Variants in COL18A1 observed in about 807,000 individuals in gnomAD.
The protein encoded by COL18A1 is collagen alpha-1(XVIII) chain.
Under a neutral mutation model 168.0 loss-of-function variants are expected in COL18A1, and 133 were observed. The ratio of observed to expected loss-of-function variants is 0.79; its 90% confidence interval spans 0.69 to 0.91. The LOEUF (loss-of-function observed/expected upper bound fraction) is 0.91, where lower values mean the gene tolerates loss of function less well. Among genes scored for constraint, COL18A1 ranks in the 40% least tolerant of loss-of-function variants. The pLI is 0.00. For missense variants in COL18A1, 2,126 were observed against 1,925.4 expected, an observed-to-expected ratio of 1.10 and a Z score of -1.95; for synonymous variants, 949 against 809.0, an observed-to-expected ratio of 1.17 and a Z score of -2.94.
intron 18 of COL18A1, among the ~76,000 whole-genome samples, chr21:45,489,047 G>A (rs1296767997): frequency 6.6e-6 from 1 of 152,236 alleles, no homozygotes; most frequent in Non-Finnish European, 1.5e-5. Flanking sequence ...CGGGGCCAAG[G>A]GCGCACGGGG....
At chr21:45,510,946 CCCA>C (rs2037545209) in intron 40 of COL18A1, among the ~76,000 whole-genome samples, 162 bp from the exon 41 acceptor site, 1 of 57,380 alleles carries the variant, frequency 1.7e-5, no homozygotes, top group Non-Finnish European at 3.1e-5. Flanking sequence ...AAAACACACA[CCCA>C]CAACACCCCA....
rs2035733688 is a variant in COL18A1, at chr21:45,477,838, C to T, written c.1094C>T (p.Pro365Leu). Reference sequence around the variant, plus strand: ...CCAGGATCCCCATGCCTACCTGGTCCCCCGGGTCTCCCGTGCCCAGTGAGT... The same window carrying T: ...CCAGGATCCCCATGCCTACCTGGTCTCCCGGGTCTCCCGTGCCCAGTGAGT... ...GPPGSPCLPG[P>L]PGLPCPVSPL... The change falls in exon 8 of 42, where the codon CCC (proline) becomes CTC (leucine). Residue 365 changes from proline to leucine, a missense_variant. Transcript: ENST00000651438. 2 of 1,552,814 alleles carry T rather than the reference C, an allele frequency of 1.3e-6. No homozygotes were observed. Among genetic ancestry groups the T allele is most frequent in the African/African-American group, 1.4e-5 (1 of 73,194 alleles).
At chr21:45,455,545 CT>C in intron 2 of COL18A1, 1 of 1,613,426 alleles carries the variant, frequency 6.2e-7, no homozygotes, top group East Asian at 2.2e-5. Flanking sequence ...CTCCCTACCC[CT>C]GTGGCTGCCA....
intron 2 of COL18A1, among the ~76,000 whole-genome samples, chr21:45,414,544 G>A (rs562344071): frequency 2.6e-5 from 4 of 152,296 alleles, no homozygotes; most frequent in South Asian, 2.1e-4. Flanking sequence ...AGACCTGGGC[G>A]GCCTCCTGCA....
At chr21:45,439,536 C>T (rs561676007) in intron 2 of COL18A1, among the ~76,000 whole-genome samples, 75 of 152,370 alleles carry the variant, frequency 4.9e-4, no homozygotes, top group African/African-American at 1.6e-3. Context: ...GACTTCGGTG[C>T]CTGCTGAGAA....
At chr21:45,484,278 C>T (rs532001049) in intron 15 of COL18A1, among the ~76,000 whole-genome samples, 1 of 147,626 alleles carries the variant, frequency 6.8e-6, no homozygotes, top group East Asian at 2.1e-4. Context: ...CATAGGCACA[C>T]ACATCTCCAG....
chr21:45,490,531 TCTGGGCCTCCGTGTGCCCTC>T (rs1217945138), intron 20 of COL18A1, among the ~76,000 whole-genome samples, 185 bp downstream of exon 20: 42 of 80,122 alleles, frequency 5.2e-4, no homozygotes, highest in Admixed American at 4.9e-3. Context: ...CTCCCGGGTC[TCTGGGCCTCCGTGTGCCCTC>T]CTGGGTCTCC....
chr21:45,456,204 G>T (rs2034804058), intron 2 of COL18A1: 1 of 1,604,926 alleles, frequency 6.2e-7, no homozygotes, highest in Non-Finnish European at 8.5e-7. Flanking sequence ...TCCTTGCTGG[G>T]CGGGGCCCCT....
chr21:45,475,922 C>A (rs1031005656), intron 5 of COL18A1, among the ~76,000 whole-genome samples: 2 of 152,240 alleles, frequency 1.3e-5, no homozygotes, highest in Non-Finnish European at 2.9e-5. Context: ...GCGCAGGGAG[C>A]GCGCGGAAGG....
intron 2 of COL18A1, chr21:45,456,121 C>G (rs746406313): frequency 6.3e-7 from 1 of 1,585,604 alleles, no homozygotes; most frequent in Non-Finnish European, 8.6e-7. Flanking sequence ...CGCCTCCCTC[C>G]CTGGGCAGGC....
intron 2 of COL18A1, among the ~76,000 whole-genome samples, chr21:45,439,877 G>A (rs2145812440): frequency 6.6e-6 from 1 of 152,386 alleles, no homozygotes; most frequent in East Asian, 1.9e-4. Context: ...GGCTGTGAAT[G>A]TAGCAAGGAG....
intron 2 of COL18A1, chr21:45,456,398 T>C: frequency 6.5e-7 from 1 of 1,546,688 alleles, no homozygotes; most frequent in Non-Finnish European, 8.7e-7. Context: ...GGGCGCACTG[T>C]CTCAGGTCGC....
Position 45,423,507 on chromosome 21 carries a change from C to T in COL18A1, c.106+18034C>T, listed in dbSNP as rs1237739602. Among the ~76,000 whole-genome samples, 8 of 151,672 alleles carry T rather than the reference C, an allele frequency of 5.3e-5. No individual in the cohort carries two copies. The highest frequency in any genetic ancestry group is 7.4e-5 in the Non-Finnish European group (5 of 67,830). On this transcript the variant is annotated intron_variant, in intron 2 of 41. Coordinates refer to ENST00000651438, the MANE Select transcript of COL18A1 (RefSeq NM_001379500.1). The surrounding 1 kb of genome is among the most constrained non-coding windows in gnomAD (Gnocchi z 4.0). Reference sequence around the variant, plus strand: ...CGCCCGCCCCCCGCCCCCCGCCCCCCGGAGGGCCCGGCTCCAAGGGTCATA... The same window carrying T: ...CGCCCGCCCCCCGCCCCCCGCCCCCTGGAGGGCCCGGCTCCAAGGGTCATA...
At chr21:45,409,248 G>A (rs1203799062) in intron 2 of COL18A1, among the ~76,000 whole-genome samples, 8 of 152,246 alleles carry the variant, frequency 5.3e-5, no homozygotes, top group Non-Finnish European at 8.8e-5. Flanking sequence ...CGGCTGGCCA[G>A]TGGCAGACGG....
At position 45,512,348 on chromosome 21, in the gene COL18A1, G is replaced by A. The variant is rs956790490; in HGVS notation, c.3970G>A (p.Ala1324Thr). The A allele has an allele frequency of 1.1e-5, 17 of 1,612,632 alleles. No homozygotes were observed. Among genetic ancestry groups the A allele is most frequent in the East Asian group, 4.5e-5 (2 of 44,872 alleles). ...LGQSAASCHHAYIVLCIENSF... is the reference protein window; with the variant it reads ...LGQSAASCHHTYIVLCIENSF... ...GCAGAGTGCCGCGAGCTGCCATCAC[G>A]CCTACATCGTGCTCTGCATTGAGAA... Residue 1324 changes from alanine (A) to threonine (T), a missense_variant, in exon 42 of 42, where the codon GCC becomes ACC. Coordinates refer to ENST00000651438, the MANE Select transcript of COL18A1 (RefSeq NM_001379500.1).
chr21:45,409,544 G>T (rs1176476338), intron 2 of COL18A1, among the ~76,000 whole-genome samples: 2 of 152,112 alleles, frequency 1.3e-5, no homozygotes, highest in Non-Finnish European at 2.9e-5. Flanking sequence ...CTGGGCAGCT[G>T]AGACCCGCCT....
chr21:45,406,084 C>T (rs2033098785), intron 2 of COL18A1, among the ~76,000 whole-genome samples: 1 of 152,208 alleles, frequency 6.6e-6, no homozygotes, highest in Admixed American at 6.5e-5. Flanking sequence ...TCGCCGCTTC[C>T]CGTGCGCGGC....
chr21:45,429,860 A>C (rs1325992172), intron 2 of COL18A1, among the ~76,000 whole-genome samples: 1 of 151,852 alleles, frequency 6.6e-6, no homozygotes, highest in Non-Finnish European at 1.5e-5. Flanking sequence ...CTGTCTCTAC[A>C]GCGGTGCCAG....
intron 15 of COL18A1, among the ~76,000 whole-genome samples, chr21:45,485,432 G>A (rs2036076360): frequency 6.6e-6 from 1 of 151,934 alleles, no homozygotes; most frequent in South Asian, 2.1e-4. Flanking sequence ...GGAGTTCAAG[G>A]CTATAGTAAG....
Sources: gnomAD v4.1 joint callset for allele counts (sites outside exome capture counted in the v4.1 genomes callset) on GRCh38, gnomAD v4.1.1 for gene constraint, Gnocchi (gnomAD v3.1) non-coding constraint, MANE v1.5 for transcripts, NCBI Gene and HGNC (gene_info 2026-07-23, HGNC 2026-07-21) for gene names.